ELOVL5: variants seen among roughly 807,000 people sequenced by gnomAD.
ELOVL5 encodes the protein very long chain fatty acid elongase 5.
Under a neutral mutation model 38.6 loss-of-function variants are expected in ELOVL5, and 8 were observed. That is an observed-to-expected ratio of 0.21 (90% CI 0.12 to 0.37). ELOVL5 has a LOEUF of 0.37. ELOVL5 is among the 10% of genes least tolerant of loss of function. The probability of loss-of-function intolerance (pLI) is 1.00; values close to 1 mark genes in which losing one functional copy is unlikely to be tolerated. For missense variants in ELOVL5, 280 were observed against 367.8 expected (o/e 0.76, Z 1.95); for synonymous variants, 127 against 133.7 (o/e 0.95, Z 0.34).
intron 1 of ELOVL5, among the ~76,000 whole-genome samples, chr6:53,314,349 CA>C (rs1181084816): frequency 6.6e-6 from 1 of 152,082 alleles, no homozygotes; most frequent in Non-Finnish European, 1.5e-5. Flanking sequence ...GTTAGGTGCC[CA>C]CCTACAGCCA....
At chr6:53,313,771 A>G (rs1265592679) in intron 1 of ELOVL5, among the ~76,000 whole-genome samples, 1 of 152,206 alleles carries the variant, frequency 6.6e-6, no homozygotes, top group Non-Finnish European at 1.5e-5. Flanking sequence ...CATCTTTTGG[A>G]TCATTTTCTT....
chr6:53,301,619 C>A (rs962835351), intron 1 of ELOVL5, among the ~76,000 whole-genome samples: 10 of 152,000 alleles, frequency 6.6e-5, no homozygotes, highest in African/African-American at 2.4e-4. Flanking sequence ...AGTAACAGGG[C>A]CCAGTGAAAA....
chr6:53,341,603 G>A (rs1464654478), intron 1 of ELOVL5, among the ~76,000 whole-genome samples: 1 of 152,156 alleles, frequency 6.6e-6, no homozygotes, highest in Non-Finnish European at 1.5e-5. Context: ...GAACACTTCA[G>A]AAAAGTGCCT....
chr6:53,282,357 C>T (rs1243160635), intron 3 of ELOVL5, among the ~76,000 whole-genome samples: 1 of 152,258 alleles, frequency 6.6e-6, no homozygotes, highest in Non-Finnish European at 1.5e-5. Context: ...GAGCCAAGCT[C>T]TCCAGGTGTT....
At chr6:53,284,481 A>C (rs1238546931) in intron 3 of ELOVL5, among the ~76,000 whole-genome samples, 1 of 152,204 alleles carries the variant, frequency 6.6e-6, no homozygotes, top group East Asian at 1.9e-4. Flanking sequence ...GTAACCACTC[A>C]ACAGAATGAA....
intron 1 of ELOVL5, among the ~76,000 whole-genome samples, chr6:53,319,245 T>C (rs1159231324): frequency 8.5e-6 from 1 of 118,336 alleles, no homozygotes; most frequent in Admixed American, 1.3e-4. Flanking sequence ...CACTCCAGCC[T>C]GGGCGACAGA....
chr6:53,288,044 G>C, intron 3 of ELOVL5: 1 of 1,021,270 alleles, frequency 9.8e-7, no homozygotes, highest in Non-Finnish European at 1.5e-6. Flanking sequence ...TGAGGACAGA[G>C]CATCTGCCTA....
intron 6 of ELOVL5, among the ~76,000 whole-genome samples, chr6:53,272,706 A>G (rs1246212853): frequency 6.6e-6 from 1 of 152,152 alleles, no homozygotes; most frequent in African/African-American, 2.4e-5. Context: ...AGGAGCTGTT[A>G]ACTGAAGCAA....
Position 53,269,070 on chromosome 6 carries a change from A to T in ELOVL5, c.*57T>A, listed in dbSNP as rs752730524. On this transcript the variant is annotated 3_prime_UTR_variant, in exon 8 of 8. Coordinates refer to ENST00000304434, the MANE Select transcript of ELOVL5 (RefSeq NM_021814.5). Reference sequence around the variant, plus strand: ...AGCTGTTAACGAGCATTGGGGCACAACTCATATTGTGCTTACAATCAGATG... The same window carrying T: ...AGCTGTTAACGAGCATTGGGGCACATCTCATATTGTGCTTACAATCAGATG... The T allele has an allele frequency of 6.3e-7, 1 of 1,588,216 alleles. No individual in the cohort carries two copies. Among genetic ancestry groups the T allele is most frequent in the Non-Finnish European group, 8.6e-7 (1 of 1,165,628 alleles).
At chr6:53,289,017 G>GCA (rs376668550) in intron 3 of ELOVL5, among the ~76,000 whole-genome samples, 82 of 152,294 alleles carry the variant, frequency 5.4e-4, no homozygotes, top group African/African-American at 1.9e-3. Flanking sequence ...GAGCACCACT[G>GCA]CACTCCAGCC....
At chr6:53,279,612 C>A (rs1327581479) in intron 3 of ELOVL5, among the ~76,000 whole-genome samples, 2 of 152,206 alleles carry the variant, frequency 1.3e-5, no homozygotes, top group African/African-American at 4.8e-5. Context: ...ACTGCCAATT[C>A]TTTCCCCTAA....
At chr6:53,338,912 G>T (rs1769201268) in intron 1 of ELOVL5, among the ~76,000 whole-genome samples, 1 of 152,180 alleles carries the variant, frequency 6.6e-6, no homozygotes, top group Non-Finnish European at 1.5e-5. Flanking sequence ...GAAATTAAAA[G>T]ACGGTGGAGA....
chr6:53,344,506 C>G (rs976419749), intron 1 of ELOVL5, among the ~76,000 whole-genome samples: 1 of 152,140 alleles, frequency 6.6e-6, no homozygotes, highest in African/African-American at 2.4e-5. Context: ...TGGTATTCTA[C>G]CAAACACCTT....
chr6:53,331,175 T>A (rs1246603291), intron 1 of ELOVL5, among the ~76,000 whole-genome samples: 1 of 151,792 alleles, frequency 6.6e-6, no homozygotes, highest in East Asian at 1.9e-4. Context: ...ACAAAAAATT[T>A]AAAAAGCCAG....
chr6:53,276,147 TAATA>T lies in ELOVL5; in HGVS notation c.324+28_324+31del, dbSNP rs748967618. 325 of 1,472,674 alleles carry T rather than the reference TAATA, an allele frequency of 2.2e-4. No individual in the cohort carries two copies. In the African/African-American group the frequency reaches 4.1e-3, roughly 19 times the overall value. 91.2% of individuals were successfully genotyped at this position (1,472,674 alleles called of 1,614,324 possible). On this transcript the variant is annotated intron_variant, in intron 4 of 7. Coordinates refer to ENST00000304434, the MANE Select transcript of ELOVL5 (RefSeq NM_021814.5). ...TTTATTTTTAAAAACTCAACACTTA[TAATA>T]ATAAAGTTTCTGAAAAAGAGACAGT...
intron 3 of ELOVL5, among the ~76,000 whole-genome samples, chr6:53,284,394 G>C (rs1342471436): frequency 6.6e-6 from 1 of 151,992 alleles, no homozygotes; most frequent in Non-Finnish European, 1.5e-5. Context: ...TAAGGTCCCT[G>C]GTATTGTTTA....
At chr6:53,320,423 TC>T (rs1768253934) in intron 1 of ELOVL5, among the ~76,000 whole-genome samples, 2 of 151,758 alleles carry the variant, frequency 1.3e-5, no homozygotes, top group Non-Finnish European at 2.9e-5. Flanking sequence ...TGCAAGCTCC[TC>T]CCCCTGGGTT....
intron 1 of ELOVL5, among the ~76,000 whole-genome samples, chr6:53,317,843 AT>A (rs869141332): frequency 1.5e-4 from 22 of 147,914 alleles, no homozygotes; most frequent in South Asian, 1.5e-3. Context: ...ATTAAAAAAA[AT>A]AAAATAAAAT....
At position 53,284,662 on chromosome 6, in the gene ELOVL5, T is replaced by C. The variant is rs113664990; in HGVS notation, c.246+7114A>G. Among the ~76,000 whole-genome samples, 1,292 of 152,368 alleles carry C rather than the reference T, an allele frequency of 8.5e-3. 20 individuals carry two copies. The highest frequency in any genetic ancestry group is 0.026 in the African/African-American group (1,100 of 41,592). ...TGTATATATTACAGGTTTTCTTAAC[T>C]GAGGTCTGTGGCAACTCTGCATTAA... On this transcript the variant is annotated intron_variant, in intron 3 of 7. Coordinates refer to ENST00000304434, the MANE Select transcript of ELOVL5 (RefSeq NM_021814.5).
Sources: gnomAD v4.1 joint callset for allele counts (sites outside exome capture counted in the v4.1 genomes callset) on GRCh38, gnomAD v4.1.1 for gene constraint, MANE v1.5 for transcripts, NCBI Gene and HGNC (gene_info 2026-07-23, HGNC 2026-07-21) for gene names.